SLC7A2: variants seen among roughly 807,000 people sequenced by gnomAD.
The protein encoded by SLC7A2 is cationic amino acid transporter 2.
In SLC7A2, 48 loss-of-function variants were observed where a neutral mutation model predicts 58.9. That is an observed-to-expected ratio of 0.82 (90% CI 0.65 to 1.04). The LOEUF (loss-of-function observed/expected upper bound fraction) is 1.04, where lower values mean the gene tolerates loss of function less well. SLC7A2 is among the 50% of genes least tolerant of loss of function. The pLI is 0.00. For synonymous variants in SLC7A2, 363 were observed against 314.5 expected (o/e 1.15, Z -1.63); for missense variants, 1,029 against 818.8 (o/e 1.26, Z -3.13).
chr8:17,546,451 A>T (rs1349641148), intron 4 of SLC7A2, among the ~76,000 whole-genome samples: 1 of 152,216 alleles, frequency 6.6e-6, no homozygotes, highest in African/African-American at 2.4e-5. Context: ...CTAAAGATAC[A>T]CGGGAAGTGT....
intron 2 of SLC7A2, among the ~76,000 whole-genome samples, chr8:17,526,080 C>T (rs1323948549): frequency 1.3e-5 from 2 of 152,036 alleles, no homozygotes; most frequent in Non-Finnish European, 2.9e-5. Context: ...ATTCTATGGA[C>T]TGTAACCCTA....
chr8:17,500,885 A>G (rs1174564397), intron 1 of SLC7A2, among the ~76,000 whole-genome samples: 1 of 152,100 alleles, frequency 6.6e-6, no homozygotes, highest in Non-Finnish European at 1.5e-5. Flanking sequence ...TCAGGCTTCA[A>G]TTAGTTAAGG....
chr8:17,540,313 C>T (rs2705017), intron 2 of SLC7A2, among the ~76,000 whole-genome samples: 118,193 of 152,108 alleles, frequency 0.78, 46,095 homozygotes, highest in East Asian at 0.91. Context: ...CAAAGGGCAT[C>T]GAGTAACCTG....
In SLC7A2 at chr8:17,570,017, C is replaced by T. The variant is rs1490170839; in HGVS notation, c.*4871C>T. 1 of 152,128 alleles carries T rather than the reference C, an allele frequency of 6.6e-6. No individual in the cohort carries two copies. The highest frequency in any genetic ancestry group is 2.4e-5 in the African/African-American group (1 of 41,418). The allele number at this position is 152,128 out of a possible 1,614,324, so 9.4% of individuals were successfully genotyped here. A position where few individuals can be genotyped will look rare whatever the true frequency, so the allele number is the denominator to read the frequency against. ...GTTTGGGCTCCTTAATTCCAAACAT[C>T]CCATGAGTATATCAAGATGAATAAG... is the stretch of plus-strand genomic sequence containing the variant. On this transcript the variant is annotated 3_prime_UTR_variant, in exon 13 of 13. Transcript: ENST00000494857.
At chr8:17,524,584 C>T (rs1199389647) in intron 2 of SLC7A2, among the ~76,000 whole-genome samples, 1 of 152,080 alleles carries the variant, frequency 6.6e-6, no homozygotes, top group East Asian at 1.9e-4. Context: ...GTTATGTTCT[C>T]AGTCACATGT....
In SLC7A2 at chr8:17,543,646, A is replaced by G; in HGVS notation, c.307A>G (p.Thr103Ala). 1 of 1,554,918 alleles carries G rather than the reference A, an allele frequency of 6.4e-7. No individual in the cohort carries two copies. The highest frequency in any genetic ancestry group is 8.7e-7 in the Non-Finnish European group (1 of 1,152,344). Residue 103 changes from threonine (T) to alanine (A), a missense_variant, in exon 3 of 13, where the codon ACC (threonine) becomes GCC (alanine). Transcript: ENST00000494857. ...CAAGACGGGGTCTGCATATTTGTAC[A>G]CCTACGTGACTGTCGGAGAGCTGTG... ...VPKTGSAYLY[T>A]YVTVGELWAF...
chr8:17,543,718 A>G lies in SLC7A2; in HGVS notation c.376+3A>G, dbSNP rs1414672016. 2 of 1,513,648 alleles carry G rather than the reference A, an allele frequency of 1.3e-6. No homozygotes were observed. Among genetic ancestry groups the G allele is most frequent in the African/African-American group, 1.4e-5 (1 of 71,582 alleles). The allele number at this position is 1,513,648 out of a possible 1,614,324, so 93.8% of individuals were successfully genotyped here. On this transcript the variant is annotated splice_donor_region_variant and intron_variant, in intron 3 of 12. Transcript: ENST00000494857. ...TCTCATTTTATCGTATGTGATAGGT[A>G]TGTTTCAAAAAGAAATCTAACTTGT...
At chr8:17,550,817 T>C (rs964183148) in intron 6 of SLC7A2, among the ~76,000 whole-genome samples, 1 of 152,172 alleles carries the variant, frequency 6.6e-6, no homozygotes, top group Non-Finnish European at 1.5e-5. Context: ...AATGGTCTCT[T>C]TGTTAGTGGG....
At chr8:17,530,629 G>A (rs1801410823) in intron 2 of SLC7A2, among the ~76,000 whole-genome samples, 1 of 151,178 alleles carries the variant, frequency 6.6e-6, no homozygotes, top group South Asian at 2.1e-4. Context: ...CTAGCATGCG[G>A]TGGTGCAATC....
At chr8:17,557,918 T>C (rs1005709199) in intron 8 of SLC7A2, among the ~76,000 whole-genome samples, 1 of 152,188 alleles carries the variant, frequency 6.6e-6, no homozygotes. Context: ...CACCTTCTGT[T>C]TGAATGTTTT....
At chr8:17,497,606 A>G (rs951758317) in intron 1 of SLC7A2, among the ~76,000 whole-genome samples, 13 of 152,016 alleles carry the variant, frequency 8.6e-5, no homozygotes, top group African/African-American at 2.7e-4. Context: ...TTCAGTCACT[A>G]TTTCCAGAGG....
chr8:17,545,403 C>CTTTTTTTTTTTTTT (rs386412194), intron 4 of SLC7A2, among the ~76,000 whole-genome samples: 1 of 64,300 alleles, frequency 1.6e-5, no homozygotes, highest in Non-Finnish European at 2.8e-5. Flanking sequence ...TGAACATTTT[C>CTTTTTTTTTTTTTT]TTTTTTTTTT....
At chr8:17,537,856 G>A (rs990975263) in intron 2 of SLC7A2, among the ~76,000 whole-genome samples, 2 of 152,202 alleles carry the variant, frequency 1.3e-5, no homozygotes, top group African/African-American at 4.8e-5. Flanking sequence ...TTACCAAGGT[G>A]CTGAGGGCTT....
Position 17,554,802 on chromosome 8 carries a change from A to T in SLC7A2, c.1195+103A>T, listed in dbSNP as rs762369090. On this transcript the variant is annotated intron_variant, in intron 8 of 12. Transcript: ENST00000494857. ...GTGGTTTTCTTTTTTGATTTCCAAGAAGTTCAGTCACTTTTTTGTGAGTGT... is the reference window on the plus strand; with the variant it reads ...GTGGTTTTCTTTTTTGATTTCCAAGTAGTTCAGTCACTTTTTTGTGAGTGT... 5 of 1,449,960 alleles carry T rather than the reference A, an allele frequency of 3.4e-6. No homozygotes were observed. The East Asian group carries it at 1.1e-4, about 33-fold the overall frequency. 89.8% of individuals were successfully genotyped at this position (1,449,960 alleles called of 1,614,324 possible). A position where few individuals can be genotyped will look rare whatever the true frequency, so the allele number is the denominator to read the frequency against.
At chr8:17,496,785 C>T (rs949860591), upstream of SLC7A2, among the ~76,000 whole-genome samples, 17 of 152,176 alleles carry the variant, frequency 1.1e-4, no homozygotes, top group Non-Finnish European at 2.2e-4. Flanking sequence ...CGGAAATGCC[C>T]TTGAGGTTTG....
rs1169508663 is a variant in SLC7A2 at position 17,568,157 on chromosome 8, A to C, written c.*3011A>C. ...TTTTGTGATTGAGTAAAAGCAGCTT[A>C]AATTACTTTTCTTTTCTACATTAAG... On this transcript the variant is annotated 3_prime_UTR_variant, in exon 13 of 13. Coordinates refer to ENST00000494857, the MANE Select transcript of SLC7A2 (RefSeq NM_001370338.1). 1 of 152,140 alleles carries C rather than the reference A, an allele frequency of 6.6e-6. No homozygotes were observed. The highest frequency in any genetic ancestry group is 1.5e-5 in the Non-Finnish European group (1 of 68,028). 9.4% of individuals were successfully genotyped at this position (152,140 alleles called of 1,614,324 possible). A position where few individuals can be genotyped will look rare whatever the true frequency, so the allele number is the denominator to read the frequency against.
chr8:17,561,886 C>G, intron 10 of SLC7A2, 58 bp from the exon 11 acceptor site: 5 of 1,549,972 alleles, frequency 3.2e-6, no homozygotes, highest in Non-Finnish European at 2.7e-6. Context: ...TGTTTTGCAC[C>G]AAGCAATCTG....
intron 2 of SLC7A2, among the ~76,000 whole-genome samples, chr8:17,521,630 G>T (rs988880057): frequency 6.6e-6 from 1 of 152,256 alleles, no homozygotes; most frequent in African/African-American, 2.4e-5. Context: ...TTCACAGGGA[G>T]ACGTGGCGCT....
At chr8:17,550,253 G>C (rs748748859) in intron 5 of SLC7A2, 48 bp from the exon 6 acceptor site, 17 of 1,589,404 alleles carry the variant, frequency 1.1e-5, no homozygotes, top group Non-Finnish European at 1.3e-5. Flanking sequence ...ACCAGAAGGA[G>C]AGTTTTCTGT....
Sources: allele counts gnomAD v4.1 joint callset (sites outside exome capture counted in the v4.1 genomes callset), GRCh38; gene constraint gnomAD v4.1.1; transcripts MANE v1.5; gene names NCBI Gene and HGNC (gene_info 2026-07-23, HGNC 2026-07-21).